The following ST7 variants were observed in gnomAD, a reference collection of about 807,000 sequenced individuals.
ST7 encodes the protein suppressor of tumorigenicity 7 protein.
In ST7, 28 loss-of-function variants were observed where a neutral mutation model predicts 78.7. That is an observed-to-expected ratio of 0.36 (90% CI 0.26 to 0.49). The LOEUF is 0.49. Among genes scored for constraint, ST7 ranks in the 20% least tolerant of loss-of-function variants. The pLI is 0.99. For synonymous variants in ST7, 247 were observed against 249.6 expected (o/e 0.99, Z 0.10); for missense variants, 418 against 696.0 (o/e 0.60, Z 4.49).
intron 1 of ST7, among the ~76,000 whole-genome samples, chr7:116,975,980 G>T (rs1793684278): frequency 6.6e-6 from 1 of 152,016 alleles, no homozygotes; most frequent in Admixed American, 6.6e-5. Context: ...AAGAAACAAG[G>T]CTGGGCATGG....
At chr7:117,008,773 G>T (rs1228938295) in intron 1 of ST7, among the ~76,000 whole-genome samples, 5 of 152,192 alleles carry the variant, frequency 3.3e-5, no homozygotes, top group Non-Finnish European at 7.3e-5. Context: ...GAAGATTAGA[G>T]CTCTTGCAGA....
chr7:117,160,857 C>T (rs2117211015), intron 9 of ST7, among the ~76,000 whole-genome samples: 1 of 152,130 alleles, frequency 6.6e-6, no homozygotes, highest in South Asian at 2.1e-4. Context: ...GTTAATGTAA[C>T]TCTGAGGCAT....
At chr7:117,074,342 G>A (rs1397703816) in intron 1 of ST7, among the ~76,000 whole-genome samples, 10 of 152,184 alleles carry the variant, frequency 6.6e-5, no homozygotes, top group Admixed American at 6.5e-4. Context: ...AGTAAGCTGA[G>A]ATTGTGCCAC....
intron 9 of ST7, among the ~76,000 whole-genome samples, chr7:117,143,472 C>A (rs1441911110): frequency 6.6e-6 from 1 of 152,076 alleles, no homozygotes; most frequent in Non-Finnish European, 1.5e-5. Flanking sequence ...TTGAAGTGTC[C>A]CCTGGCCAGT....
intron 3 of ST7, among the ~76,000 whole-genome samples, chr7:117,124,080 G>C (rs1803624630): frequency 6.6e-6 from 1 of 151,992 alleles, no homozygotes; most frequent in African/African-American, 2.4e-5. Flanking sequence ...TACATGGCCA[G>C]AAGCAATTTA....
chr7:117,180,848 A>T (rs1808702631), intron 10 of ST7, among the ~76,000 whole-genome samples: 1 of 152,128 alleles, frequency 6.6e-6, no homozygotes, highest in Non-Finnish European at 1.5e-5. Context: ...ATGAGGTCTC[A>T]CTTTGTCACC....
At chr7:117,175,519 A>G (rs1380054097) in intron 10 of ST7, among the ~76,000 whole-genome samples, 1 of 152,180 alleles carries the variant, frequency 6.6e-6, no homozygotes, top group Admixed American at 6.5e-5. Context: ...CTAGTTAGTG[A>G]TCCTTGGGGA....
chr7:117,106,943 TG>T (rs1802027021), intron 2 of ST7, among the ~76,000 whole-genome samples: 1 of 151,392 alleles, frequency 6.6e-6, no homozygotes, highest in Non-Finnish European at 1.5e-5. Flanking sequence ...TTAATGCCTT[TG>T]CGTCCTCATA....
At chr7:117,065,283 A>G (rs977888427) in intron 1 of ST7, among the ~76,000 whole-genome samples, 4 of 141,486 alleles carry the variant, frequency 2.8e-5, no homozygotes, top group African/African-American at 8.0e-5. Flanking sequence ...ATCTCCGCTC[A>G]CTGCAATCTC....
chr7:117,121,521 T>G (rs1803362344), intron 3 of ST7, among the ~76,000 whole-genome samples: 1 of 152,218 alleles, frequency 6.6e-6, no homozygotes, highest in South Asian at 2.1e-4. Context: ...TAGACAGTTA[T>G]GAAATGTGGA....
chr7:116,963,917 T>C (rs1205298669), intron 1 of ST7, among the ~76,000 whole-genome samples: 1 of 152,090 alleles, frequency 6.6e-6, no homozygotes, highest in Non-Finnish European at 1.5e-5. Flanking sequence ...GGTTCTTAAG[T>C]TGACCTCCGC....
At chr7:117,118,550 G>A (rs1229378871) in intron 2 of ST7, 6 of 152,126 alleles carry the variant, frequency 3.9e-5, no homozygotes, top group Non-Finnish European at 4.4e-5. Flanking sequence ...ATAAGTAAGG[G>A]TAAAGGTAAT....
chr7:116,955,948 T>A (rs1366607969), intron 1 of ST7, among the ~76,000 whole-genome samples: 3 of 152,162 alleles, frequency 2.0e-5, no homozygotes, highest in African/African-American at 7.2e-5. Context: ...CTTTTCAGTT[T>A]GGTTTCATGC....
intron 10 of ST7, 122 bp downstream of exon 10, chr7:117,171,098 T>TCACCTAC (rs1807955176): frequency 4.1e-6 from 2 of 492,920 alleles, no homozygotes; most frequent in East Asian, 7.1e-5. Context: ...TATAGAATTT[T>TCACCTAC]CACCTACAGT....
intron 1 of ST7, among the ~76,000 whole-genome samples, chr7:117,088,517 A>G (rs950209151): frequency 3.3e-5 from 5 of 152,330 alleles, no homozygotes; most frequent in African/African-American, 1.2e-4. Flanking sequence ...AGATTTAACA[A>G]TTATCTGTTC....
chr7:117,206,591 T>C (rs536549018), intron 12 of ST7, among the ~76,000 whole-genome samples: 2 of 152,222 alleles, frequency 1.3e-5, no homozygotes, highest in Non-Finnish European at 2.9e-5. Flanking sequence ...CCATTGATCC[T>C]GCAGGCTGAG....
At chr7:116,968,886 A>G (rs1055318679) in intron 1 of ST7, among the ~76,000 whole-genome samples, 10 of 152,280 alleles carry the variant, frequency 6.6e-5, no homozygotes, top group African/African-American at 2.4e-4. Context: ...TGGGAGGGTG[A>G]AAAAGAGGGA....
At chr7:117,079,830 C>T (rs1177211340) in intron 1 of ST7, among the ~76,000 whole-genome samples, 1 of 152,014 alleles carries the variant, frequency 6.6e-6, no homozygotes, top group African/African-American at 2.4e-5. Context: ...TTATGTCATG[C>T]TTAAGAAACC....
rs965380735 is a variant in ST7, at chr7:117,134,182, T to C, written c.700T>C (p.Leu234=). The change falls in exon 7 of 16, where the codon TTG becomes CTG. Residue 234 remains leucine, a synonymous_variant. Transcript: ENST00000323984. The part of the protein sequence containing the change: ...IASSTIWEIK[L]LPKCATAYIL... Reference sequence around the variant, plus strand: ...TTCCTCTACCATCTGGGAGATAAAATTGTTACCAAAGTAAGTCAAGAACCT... The same window carrying C: ...TTCCTCTACCATCTGGGAGATAAAACTGTTACCAAAGTAAGTCAAGAACCT... 1.9e-6 allele frequency: 3 copies of C among 1,612,036 alleles called. No homozygotes were observed. The highest frequency in any genetic ancestry group is 2.5e-6 in the Non-Finnish European group (3 of 1,178,748).
Sources: allele counts gnomAD v4.1 joint callset (sites outside exome capture counted in the v4.1 genomes callset), GRCh38; gene constraint gnomAD v4.1.1; transcripts MANE v1.5; gene names NCBI Gene and HGNC (gene_info 2026-07-23, HGNC 2026-07-21).